ITGB7: variants seen among roughly 807,000 people sequenced by gnomAD.
The protein encoded by ITGB7 is integrin subunit beta 7.
ITGB7 carries 55 observed loss-of-function variants against 83.4 expected under a neutral mutation model. The observed-to-expected ratio is 0.66, with a 90% CI of 0.53 to 0.83. ITGB7 has a LOEUF of 0.83. ITGB7 is among the 40% of genes least tolerant of loss of function. The pLI is 0.00. For synonymous variants in ITGB7, 454 were observed against 423.6 expected, an observed-to-expected ratio of 1.07 and a Z score of -0.88; for missense variants, 921 against 1,046.7, an observed-to-expected ratio of 0.88 and a Z score of 1.66.
chr12:53,200,481 T>A, intron 2 of ITGB7, 35 bp from the exon 3 acceptor site: 1 of 1,581,624 alleles, frequency 6.3e-7, no homozygotes, highest in Non-Finnish European at 8.7e-7. Flanking sequence ...ATGTGGGTCC[T>A]CAGGGAGGAC....
Position 53,197,881 on chromosome 12 carries a change from C to G in ITGB7, c.272G>C (p.Cys91Ser). The part of the protein sequence containing the change: ...ARREELLARG[C>S]PLEELEEPRG... ...GGGCTCCTCCAGCTCCTCCAGCGGG[C>G]AGCCTCGAGCCAGCAGCTCCTCTCG... Residue 91 changes from cysteine to serine, a missense_variant, in exon 4 of 16, where the codon TGC becomes TCC. Physicochemically the swap from Cys to Ser is moderately radical, Grantham distance 112. Transcript: ENST00000267082. The G allele has an allele frequency of 1.3e-5, 20 of 1,535,508 alleles. No homozygotes were observed. Among genetic ancestry groups the G allele is most frequent in the Non-Finnish European group, 1.7e-5 (19 of 1,147,708 alleles).
chr12:53,191,538 T>TA lies in ITGB7; in HGVS notation c.*17dup. ...GTCCTCCAAGGAGAAGAGCCTTGGGTAAGTGTCCCTCCCTCCTTCAGAGAG... is the reference window on the plus strand; with the variant it reads ...GTCCTCCAAGGAGAAGAGCCTTGGGTAAAGTGTCCCTCCCTCCTTCAGAGAG... On this transcript the variant is annotated 3_prime_UTR_variant, in exon 16 of 16. Transcript: ENST00000267082. 1 of 1,589,648 alleles carries TA rather than the reference T, an allele frequency of 6.3e-7. No individual in the cohort carries two copies. Among genetic ancestry groups the TA allele is most frequent in the Non-Finnish European group, 8.6e-7 (1 of 1,157,750 alleles).
At chr12:53,193,937 C>T (rs937104628) in intron 10 of ITGB7, 36 bp from the exon 11 acceptor site, 2 of 1,562,736 alleles carry the variant, frequency 1.3e-6, no homozygotes, top group African/African-American at 1.4e-5. Flanking sequence ...TGGTTATACA[C>T]ATGCACACAC....
rs1942029524 is a variant in ITGB7, at chr12:53,193,166, TCA to T, written c.1698_1699del (p.Cys566Ter). The T allele has an allele frequency of 6.2e-7, 1 of 1,612,834 alleles. No individual in the cohort carries two copies. On this transcript the variant is annotated stop_gained and frameshift_variant, in exon 12 of 16. Coordinates refer to ENST00000267082, the MANE Select transcript of ITGB7 (RefSeq NM_000889.3). LOFTEE classifies it high-confidence loss of function. ...TCCGCAGAGGATGCCCTCATGTCGC[TCA>T]CAGCTGGCATCGTCACACTCGCACA... is the stretch of plus-strand genomic sequence containing the variant.
intron 1 of ITGB7, among the ~76,000 whole-genome samples, chr12:53,203,661 A>AG (rs1283612703): frequency 1.3e-4 from 20 of 150,264 alleles, no homozygotes; most frequent in African/African-American, 4.4e-4. Flanking sequence ...AAAAAAAAAA[A>AG]AAAAAAAAAA....
At position 53,193,799 on chromosome 12, in the gene ITGB7, G is replaced by T; in HGVS notation, c.1411C>A (p.His471Asn). 1 of 1,614,090 alleles carries T rather than the reference G, an allele frequency of 6.2e-7. No individual in the cohort carries two copies. Among genetic ancestry groups the T allele is most frequent in the Middle Eastern group, 1.7e-4 (1 of 6,058 alleles). ...CTGCAATTACAGTCACACAGCGTGT[G>T]CAACTCCACAATCAGCTCCTCTGAG... ...GFSEELIVEL[H>N]TLCDCNCSDT... Residue 471 changes from histidine to asparagine, a missense_variant, in exon 11 of 16, where the codon CAC (histidine) becomes AAC (asparagine). His to Asn is a moderately conservative substitution (Grantham distance 68). Transcript: ENST00000267082.
At chr12:53,203,538 C>T (rs1592413677) in intron 1 of ITGB7, among the ~76,000 whole-genome samples, 1 of 150,182 alleles carries the variant, frequency 6.7e-6, no homozygotes, top group African/African-American at 2.4e-5. Context: ...GCTCCAGCTA[C>T]TCGGGAAACT....
intron 11 of ITGB7, 53 bp from the exon 12 acceptor site, chr12:53,193,416 G>A (rs1217144809): frequency 7.6e-7 from 1 of 1,319,834 alleles, no homozygotes; most frequent in Non-Finnish European, 1.0e-6. Flanking sequence ...GATCACCCCT[G>A]ACTTGTCTCT....
rs745898248 is a variant in ITGB7 at position 53,200,288 on chromosome 12, C to T, written c.156G>A (p.Gln52=). The T allele has an allele frequency of 6.2e-7, 1 of 1,614,200 alleles. No homozygotes were observed. Among genetic ancestry groups the T allele is most frequent in the Non-Finnish European group, 8.5e-7 (1 of 1,180,046 alleles). The change falls in exon 3 of 16, where the codon CAG becomes CAA. Residue 52 remains glutamine, a synonymous_variant. Transcript: ENST00000267082. ...AGCTGGGGTGTGAGAGGATGCACTT[C>T]TGGCAGGAGGGGGCTGGCTGGCAGG... is the stretch of plus-strand genomic sequence containing the variant. ...LGSCQPAPSC[Q]KCILSHPSCA...
intron 10 of ITGB7, 36 bp from the exon 11 acceptor site, chr12:53,193,937 C>A (rs937104628): frequency 1.3e-6 from 2 of 1,562,736 alleles, no homozygotes; most frequent in Non-Finnish European, 1.7e-6. Flanking sequence ...TGGTTATACA[C>A]ATGCACACAC....
Position 53,192,363 on chromosome 12 carries a change from C to T in ITGB7, c.2122G>A (p.Gly708Ser), listed in dbSNP as rs1386380796. The change falls in exon 14 of 16, where the codon GGC becomes AGC. Residue 708 changes from glycine (G) to serine (S), a missense_variant. Gly to Ser is a moderately conservative substitution (Grantham distance 56, BLOSUM62 0). Coordinates refer to ENST00000267082, the MANE Select transcript of ITGB7 (RefSeq NM_000889.3). ...GGTCTCACTCTGAGCACGACCGTGCCTCTGGCGTCATCCTCCACCAAGAAG... is the reference window on the plus strand; with the variant it reads ...GGTCTCACTCTGAGCACGACCGTGCTTCTGGCGTCATCCTCCACCAAGAAG... ...FFFLVEDDAR[G>S]TVVLRVRPQE... 8 of 1,614,000 alleles carry T rather than the reference C, an allele frequency of 5.0e-6. No individual in the cohort carries two copies. The highest frequency in any genetic ancestry group is 6.8e-6 in the Non-Finnish European group (8 of 1,180,040).
chr12:53,195,994 G>A (rs1313164119), intron 7 of ITGB7, 47 bp downstream of exon 7: 10 of 1,601,986 alleles, frequency 6.2e-6, no homozygotes, highest in South Asian at 1.1e-5. Context: ...TGGAAGGAAA[G>A]AGGTGTGGCT....
intron 12 of ITGB7, 23 bp from the exon 13 acceptor site, chr12:53,192,933 G>T (rs780363011): frequency 6.2e-7 from 1 of 1,607,422 alleles, no homozygotes; most frequent in Admixed American, 1.7e-5. Context: ...CATGCAGAGG[G>T]TGACAACCAT....
intron 1 of ITGB7, among the ~76,000 whole-genome samples, chr12:53,203,289 G>A (rs1490924622): frequency 6.6e-6 from 1 of 152,076 alleles, no homozygotes; most frequent in Admixed American, 6.5e-5. Flanking sequence ...AAAGAAGATA[G>A]ACAAATAGCC....
rs747177657 is a variant in ITGB7, at chr12:53,194,270, A to G, written c.1236T>C (p.Cys412=). The part of the protein sequence containing the change: ...PGVHISYESQ[C]EGPEKREGKA... Reference sequence around the variant, plus strand: ...TACCCTCCCTCTTCTCAGGACCCTCACACTGGGATTCGTAAGAAATGTGGA... The same window carrying G: ...TACCCTCCCTCTTCTCAGGACCCTCGCACTGGGATTCGTAAGAAATGTGGA... The change falls in exon 10 of 16, where the codon TGT becomes TGC. Residue 412 remains cysteine (C), a synonymous_variant. Coordinates refer to ENST00000267082, the MANE Select transcript of ITGB7 (RefSeq NM_000889.3). 6.2e-7 allele frequency: 1 copy of G among 1,613,688 alleles called. No homozygotes were observed. The highest frequency in any genetic ancestry group is 8.5e-7 in the Non-Finnish European group (1 of 1,179,888).
rs769747911 is a variant in ITGB7, at chr12:53,191,809, T to C, written c.2316+50A>G. 6 of 1,609,864 alleles carry C rather than the reference T, an allele frequency of 3.7e-6. No homozygotes were observed. The South Asian group carries it at 6.6e-5, about 18-fold the overall frequency. On this transcript the variant is annotated intron_variant, in intron 15 of 15. Transcript: ENST00000267082. ...CCAGTGGGAGGAATCAGGGCTGGTCTTGTGGTGGGGGAACAGCTAAAAAGG... is the reference window on the plus strand; with the variant it reads ...CCAGTGGGAGGAATCAGGGCTGGTCCTGTGGTGGGGGAACAGCTAAAAAGG...
chr12:53,203,043 C>T (rs980366405), intron 1 of ITGB7, among the ~76,000 whole-genome samples: 1 of 152,032 alleles, frequency 6.6e-6, no homozygotes, highest in Non-Finnish European at 1.5e-5. Context: ...AGCTGTAATA[C>T]CAAAAGCACA....
In ITGB7 at chr12:53,192,838, C is replaced by T. The variant is rs1942009554; in HGVS notation, c.1799G>A (p.Gly600Glu). The T allele has an allele frequency of 1.2e-6, 2 of 1,614,108 alleles. No homozygotes were observed. Among genetic ancestry groups the T allele is most frequent in the South Asian group, 2.2e-5 (2 of 91,090 alleles). ...NRTGRACECS[G>E]DMDSCISPEG... ...GGGACTGATGCAACTGTCCATGTCCCCACTGCATTCGCATGCTCTGCCCGT... is the reference window on the plus strand; with the variant it reads ...GGGACTGATGCAACTGTCCATGTCCTCACTGCATTCGCATGCTCTGCCCGT... The change falls in exon 13 of 16, where the codon GGG (glycine) becomes GAG (glutamate). Residue 600 changes from glycine (G) to glutamate (E), a missense_variant. Gly to Glu is a moderately conservative substitution (Grantham distance 98, BLOSUM62 -2). Coordinates refer to ENST00000267082, the MANE Select transcript of ITGB7 (RefSeq NM_000889.3).
Position 53,191,499 on chromosome 12 carries a change from C to T in ITGB7, c.*57G>A. 7.2e-7 allele frequency: 1 copy of T among 1,389,592 alleles called. No individual in the cohort carries two copies. 86.1% of individuals were successfully genotyped at this position (1,389,592 alleles called of 1,614,324 possible). ...TTACAGACCCACCCTTCCTCTCACC[C>T]TCCAGTTCCCACTGTCCTCCAAGGA... On this transcript the variant is annotated 3_prime_UTR_variant, in exon 16 of 16. Transcript: ENST00000267082.
Sources: gnomAD v4.1 joint callset for allele counts (sites outside exome capture counted in the v4.1 genomes callset) on GRCh38, gnomAD v4.1.1 for gene constraint, MANE v1.5 for transcripts, NCBI Gene and HGNC (gene_info 2026-07-23, HGNC 2026-07-21) for gene names.